Variants in USP15 observed in about 807,000 individuals in gnomAD.
USP15 encodes the protein ubiquitin specific peptidase 15.
In USP15, 18 loss-of-function variants were observed where a neutral mutation model predicts 127.1. That is an observed-to-expected ratio of 0.14 (90% CI 0.10 to 0.21). The LOEUF is 0.21. Among genes scored for constraint, USP15 ranks in the 10% least tolerant of loss-of-function variants. USP15 has a pLI of 1.00. For missense variants in USP15, 805 were observed against 1,159.9 expected (o/e 0.69, Z 4.44); for synonymous variants, 364 against 393.7 (o/e 0.92, Z 0.89).
At chr12:62,264,619 A>G (rs1011786793) in intron 1 of USP15, among the ~76,000 whole-genome samples, 1 of 152,228 alleles carries the variant, frequency 6.6e-6, no homozygotes, top group Non-Finnish European at 1.5e-5. Flanking sequence ...GTTTTAGACA[A>G]GAGACATTGA....
intron 2 of USP15, among the ~76,000 whole-genome samples, chr12:62,296,314 A>G (rs921078257): frequency 3.9e-5 from 6 of 152,250 alleles, no homozygotes; most frequent in African/African-American, 1.2e-4. Context: ...CTCCTTAACT[A>G]CTGACCCACA....
At chr12:62,401,566 C>G (rs949977282) in intron 21 of USP15, among the ~76,000 whole-genome samples, 1 of 151,844 alleles carries the variant, frequency 6.6e-6, no homozygotes, top group African/African-American at 2.4e-5. Flanking sequence ...AAAGTAGATT[C>G]AGCTCTTAAC....
At chr12:62,317,948 A>G (rs1249311523) in intron 4 of USP15, among the ~76,000 whole-genome samples, 1 of 152,222 alleles carries the variant, frequency 6.6e-6, no homozygotes. Context: ...CAAAAACATA[A>G]AACTTCTTGA....
At position 62,411,062 on chromosome 12, in the gene USP15, A is replaced by C. The variant is rs1475800212; in HGVS notation, c.*6687A>C. The C allele has an allele frequency of 6.6e-6, 1 of 152,306 alleles. No individual in the cohort carries two copies. The highest frequency in any genetic ancestry group is 2.1e-4 in the South Asian group (1 of 4,830). The allele number at this position is 152,306 out of a possible 1,614,324, so 9.4% of individuals were successfully genotyped here. A position where few individuals can be genotyped will look rare whatever the true frequency, so the allele number is the denominator to read the frequency against. On this transcript the variant is annotated 3_prime_UTR_variant, in exon 22 of 22. Transcript: ENST00000280377. ...AGCCACACCTGAATTCCTAACCCAC[A>C]AAAACTGTGAGATAACAGATGTTTG...
At chr12:62,397,325 A>T (rs1901240) in intron 20 of USP15, among the ~76,000 whole-genome samples, 1 of 152,060 alleles carries the variant, frequency 6.6e-6, no homozygotes, top group Non-Finnish European at 1.5e-5. Context: ...CTGTTCATCA[A>T]AGTCTAGTAG....
intron 8 of USP15, among the ~76,000 whole-genome samples, chr12:62,371,426 T>A (rs1377892304): frequency 6.6e-6 from 1 of 152,174 alleles, no homozygotes; most frequent in East Asian, 1.9e-4. Context: ...GTAAGCACAG[T>A]AGAACAGTGT....
chr12:62,366,571 G>A (rs1040839905), intron 8 of USP15, among the ~76,000 whole-genome samples: 2 of 152,184 alleles, frequency 1.3e-5, no homozygotes, highest in Non-Finnish European at 2.9e-5. Flanking sequence ...GCCCTGGCCA[G>A]AACTTCCAAT....
chr12:62,318,496 T>C (rs1204139675), intron 4 of USP15, among the ~76,000 whole-genome samples: 1 of 152,206 alleles, frequency 6.6e-6, no homozygotes, highest in East Asian at 1.9e-4. Context: ...TGCATCTTGT[T>C]GGAGTCCTTT....
intron 1 of USP15, among the ~76,000 whole-genome samples, chr12:62,281,666 A>G (rs2063653190): frequency 6.6e-6 from 1 of 152,044 alleles, no homozygotes; most frequent in Non-Finnish European, 1.5e-5. Flanking sequence ...TACTTTCCTG[A>G]TGTTTCATTA....
chr12:62,359,013 T>C lies in USP15; in HGVS notation c.915+3538T>C, dbSNP rs117476644. 2.4e-3 allele frequency among the ~76,000 whole-genome samples: 362 copies of C among 152,210 alleles called. 10 individuals carry two copies. The East Asian group carries it at 0.059, about 25-fold the overall frequency. The stretch of plus-strand genomic sequence containing the variant: ...CCTTATGAAGATTATAGCCTAGATA[T>C]TGTGATTTTCAAACTCTTTGTATTT... On this transcript the variant is annotated intron_variant, in intron 8 of 21. Transcript: ENST00000280377.
chr12:62,316,918 A>G (rs1279006921), intron 4 of USP15, among the ~76,000 whole-genome samples: 1 of 152,144 alleles, frequency 6.6e-6, no homozygotes, highest in African/African-American at 2.4e-5. Flanking sequence ...ATACTTTAAA[A>G]TGCTAGATAA....
At chr12:62,321,882 C>T (rs766582386) in intron 5 of USP15, among the ~76,000 whole-genome samples, 2 of 152,070 alleles carry the variant, frequency 1.3e-5, no homozygotes, top group Non-Finnish European at 2.9e-5. Context: ...CTGTGAAAGA[C>T]CAAATAGTAA....
chr12:62,331,082 C>G (rs7956101), intron 6 of USP15, among the ~76,000 whole-genome samples: 131,364 of 152,166 alleles, frequency 0.86, 57,034 homozygotes, highest in African/African-American at 0.95. Context: ...CCTCAAAATT[C>G]TCACATTTGC....
rs1445524443 is a variant in USP15 at position 62,407,990 on chromosome 12, G to T, written c.*3615G>T. 2 of 152,034 alleles carry T rather than the reference G, an allele frequency of 1.3e-5. No homozygotes were observed. The highest frequency in any genetic ancestry group is 2.4e-5 in the African/African-American group (1 of 41,388). 9.4% of individuals were successfully genotyped at this position (152,034 alleles called of 1,614,324 possible). ...TTTATCCTTGCTTTCCTGACAACTG[G>T]ATATAAAACTACACAAAACATTGAT... On this transcript the variant is annotated 3_prime_UTR_variant, in exon 22 of 22. Coordinates refer to ENST00000280377, the MANE Select transcript of USP15 (RefSeq NM_001252078.2).
intron 1 of USP15, among the ~76,000 whole-genome samples, chr12:62,288,769 T>C (rs1310681069): frequency 6.6e-6 from 1 of 152,208 alleles, no homozygotes; most frequent in East Asian, 1.9e-4. Context: ...ATGTTCCTTC[T>C]GTGCCTAGTT....
chr12:62,393,397 A>G (rs1052794816), intron 19 of USP15, among the ~76,000 whole-genome samples, 195 bp downstream of exon 19: 4 of 152,188 alleles, frequency 2.6e-5, no homozygotes, highest in African/African-American at 7.2e-5. Flanking sequence ...GAGATTTTCC[A>G]AAGATCAAAG....
chr12:62,287,828 T>C (rs1004508596), intron 1 of USP15, among the ~76,000 whole-genome samples: 3 of 152,178 alleles, frequency 2.0e-5, no homozygotes, highest in Non-Finnish European at 4.4e-5. Flanking sequence ...GTTTTCCCTG[T>C]ACCATTTATT....
chr12:62,361,777 A>AT (rs935251610), intron 8 of USP15, among the ~76,000 whole-genome samples: 1 of 151,930 alleles, frequency 6.6e-6, no homozygotes, highest in Non-Finnish European at 1.5e-5. Flanking sequence ...CAAGCAGCTC[A>AT]TTTTTTTGAT....
At position 62,405,683 on chromosome 12, in the gene USP15, A is replaced by T. The variant is rs1303645062; in HGVS notation, c.*1308A>T. 2.0e-5 allele frequency: 3 copies of T among 152,600 alleles called. No homozygotes were observed. The highest frequency in any genetic ancestry group is 6.5e-5 in the Admixed American group (1 of 15,270). The allele number at this position is 152,600 out of a possible 1,614,324, so 9.5% of individuals were successfully genotyped here. ...ACCTAAATGCTGGGGCACATTTCAC[A>T]TATCGACTACCTGAGAAATTGCTTT... On this transcript the variant is annotated 3_prime_UTR_variant, in exon 22 of 22. Coordinates refer to ENST00000280377, the MANE Select transcript of USP15 (RefSeq NM_001252078.2).
Sources: allele counts gnomAD v4.1 joint callset (sites outside exome capture counted in the v4.1 genomes callset), GRCh38; gene constraint gnomAD v4.1.1; transcripts MANE v1.5; gene names NCBI Gene and HGNC (gene_info 2026-07-23, HGNC 2026-07-21).